The following PCNX1 variants were observed in gnomAD, a reference collection of about 807,000 sequenced individuals.
The protein encoded by PCNX1 is pecanex 1.
In PCNX1, 78 loss-of-function variants were observed where a neutral mutation model predicts 242.2. That is an observed-to-expected ratio of 0.32 (90% CI 0.27 to 0.39). The LOEUF is 0.39. Among genes scored for constraint, PCNX1 ranks in the 10% least tolerant of loss-of-function variants. The pLI, the probability that PCNX1 is intolerant of heterozygous loss-of-function variation, is 1.00. For synonymous variants in PCNX1, 1,024 were observed against 1,032.9 expected (o/e 0.99, Z 0.17); for missense variants, 2,581 against 2,856.5 (o/e 0.90, Z 2.20).
intron 25 of PCNX1, among the ~76,000 whole-genome samples, chr14:71,056,550 T>C (rs1372865606): frequency 1.3e-5 from 2 of 152,252 alleles, no homozygotes; most frequent in African/African-American, 4.8e-5. Context: ...ATTATTAAGC[T>C]CTGAATATTT....
chr14:71,037,720 CTACTT>C (rs759713431), intron 19 of PCNX1, among the ~76,000 whole-genome samples: 6 of 151,950 alleles, frequency 3.9e-5, no homozygotes, highest in Non-Finnish European at 7.4e-5. Context: ...TTTGAAAAAA[CTACTT>C]TAAAGTTCAT....
Position 71,050,650 on chromosome 14 carries a change from A to G in PCNX1, c.4339-2A>G. ...CTGACAGCCATTCTTTTCCTCCTGCAGCTTTGGGAACTACTTTATAAATTG... is the reference window on the plus strand; with the variant it reads ...CTGACAGCCATTCTTTTCCTCCTGCGGCTTTGGGAACTACTTTATAAATTG... On this transcript the variant is annotated splice_acceptor_variant, in intron 22 of 35. Coordinates refer to ENST00000304743, the MANE Select transcript of PCNX1 (RefSeq NM_014982.3). LOFTEE classifies it high-confidence loss of function. 1 of 1,564,834 alleles carries G rather than the reference A, an allele frequency of 6.4e-7. No homozygotes were observed. The highest frequency in any genetic ancestry group is 8.6e-7 in the Non-Finnish European group (1 of 1,157,568).
chr14:71,059,791 A>T (rs1290245405), intron 26 of PCNX1, among the ~76,000 whole-genome samples: 1 of 152,158 alleles, frequency 6.6e-6, no homozygotes, highest in Non-Finnish European at 1.5e-5. Flanking sequence ...ATGCCTGAAC[A>T]CATCCTATGG....
chr14:71,082,510 A>ATT (rs757468505), intron 28 of PCNX1, among the ~76,000 whole-genome samples: 5 of 152,224 alleles, frequency 3.3e-5, no homozygotes, highest in Non-Finnish European at 7.4e-5. Context: ...TAGGTCTCTA[A>ATT]GGACTTGCTT....
intron 22 of PCNX1, 22 bp from the exon 23 acceptor site, chr14:71,050,630 A>C: frequency 6.5e-7 from 1 of 1,538,628 alleles, no homozygotes; most frequent in Non-Finnish European, 8.7e-7. Context: ...TTTTACTGAC[A>C]GCCATTCTTT....
intron 30 of PCNX1, among the ~76,000 whole-genome samples, chr14:71,097,567 C>T (rs1033647741): frequency 2.0e-5 from 3 of 152,142 alleles, no homozygotes; most frequent in Non-Finnish European, 2.9e-5. Context: ...TTTTTTCACA[C>T]TTGTTTGCTC....
chr14:70,977,642 A>G lies in PCNX1; in HGVS notation c.1305A>G (p.Ala435=), dbSNP rs574927301. Residue 435 remains alanine, a synonymous_variant, in exon 6 of 36, where the codon GCA becomes GCG. Coordinates refer to ENST00000304743, the MANE Select transcript of PCNX1 (RefSeq NM_014982.3). ...GTGGGAGGAAGAAAGAGTGCTGTGC[A>G]GGCCCAGAGGAGAAGAATAGCTGTG... ...TKSGRKKECC[A]GPEEKNSCAS... 1.2e-6 allele frequency: 2 copies of G among 1,614,184 alleles called. No individual in the cohort carries two copies. Among genetic ancestry groups the G allele is most frequent in the African/African-American group, 1.3e-5 (1 of 75,038 alleles).
At chr14:71,043,793 A>G (rs1487846526) in intron 19 of PCNX1, among the ~76,000 whole-genome samples, 1 of 151,788 alleles carries the variant, frequency 6.6e-6, no homozygotes, top group African/African-American at 2.4e-5. Flanking sequence ...CCTTCATATC[A>G]TTATTTTGAA....
chr14:70,939,693 C>T (rs1437850294), intron 1 of PCNX1, among the ~76,000 whole-genome samples: 1 of 152,160 alleles, frequency 6.6e-6, no homozygotes, highest in Non-Finnish European at 1.5e-5. Flanking sequence ...TCCTTGATCA[C>T]TTTCTGTCTC....
chr14:71,083,961 A>C (rs954740688), intron 28 of PCNX1, among the ~76,000 whole-genome samples: 1 of 152,118 alleles, frequency 6.6e-6, no homozygotes, highest in Non-Finnish European at 1.5e-5. Flanking sequence ...GCCTTTTTGC[A>C]CTGGTTTTTC....
intron 28 of PCNX1, among the ~76,000 whole-genome samples, chr14:71,082,599 C>T (rs1050022820): frequency 2.7e-5 from 4 of 150,932 alleles, no homozygotes; most frequent in East Asian, 1.9e-4. Context: ...ATCCCTTTAC[C>T]GTAGCTTTTC....
At chr14:71,046,833 A>T (rs368419120) in intron 20 of PCNX1, 131 bp from the exon 21 acceptor site, 16 of 608,478 alleles carry the variant, frequency 2.6e-5, no homozygotes, top group East Asian at 2.0e-4. Context: ...ACAGTTGATT[A>T]AAGTACTGGC....
intron 26 of PCNX1, among the ~76,000 whole-genome samples, chr14:71,066,118 A>C (rs2061440217): frequency 6.6e-6 from 1 of 152,128 alleles, no homozygotes; most frequent in Non-Finnish European, 1.5e-5. Context: ...TTCCATATGA[A>C]ATTTAAAGTA....
Position 71,064,694 on chromosome 14 carries a change from A to G in PCNX1, c.4852+6970A>G, listed in dbSNP as rs112774277. Among the ~76,000 whole-genome samples, 1,259 of 152,304 alleles carry G rather than the reference A, an allele frequency of 8.3e-3. 13 individuals carry two copies. Among genetic ancestry groups the G allele is most frequent in the Middle Eastern group, 0.024 (7 of 294 alleles). The stretch of plus-strand genomic sequence containing the variant: ...GCAGGTTTGTTACATAGGTATACAC[A>G]TGCCATGGAGGCTTGCTGCACCCGT... On this transcript the variant is annotated intron_variant, in intron 26 of 35. Transcript: ENST00000304743.
chr14:71,033,992 T>A lies in PCNX1; in HGVS notation c.3730T>A (p.Ser1244Thr), dbSNP rs1456453002. The change falls in exon 18 of 36, where the codon TCT becomes ACT. Residue 1244 changes from serine (S) to threonine (T), a missense_variant. Coordinates refer to ENST00000304743, the MANE Select transcript of PCNX1 (RefSeq NM_014982.3). ...TEEKNPEDPLSEVKDPLPEKL... is the reference protein window; with the variant it reads ...TEEKNPEDPLTEVKDPLPEKL... ...AGAGAAAAATCCAGAAGACCCTCTA[T>A]CTGAAGTAAAAGATCCACTGCCTGA... 6.2e-7 allele frequency: 1 copy of A among 1,609,856 alleles called. No individual in the cohort carries two copies. Among genetic ancestry groups the A allele is most frequent in the Non-Finnish European group, 8.5e-7 (1 of 1,177,476 alleles).
At chr14:70,921,524 A>G (rs1416285517) in intron 1 of PCNX1, among the ~76,000 whole-genome samples, 1 of 152,178 alleles carries the variant, frequency 6.6e-6, no homozygotes, top group African/African-American at 2.4e-5. Context: ...GAGAATAAAG[A>G]TAGCTAATCT....
At position 71,109,588 on chromosome 14, in the gene PCNX1, G is replaced by T; in HGVS notation, c.6881G>T (p.Gly2294Val). The change falls in exon 35 of 36, where the codon GGC becomes GTC. Residue 2294 changes from glycine (G) to valine (V), a missense_variant. Physicochemically the swap from Gly to Val is moderately radical, Grantham distance 109. This residue lies in a region of PCNX1 where 432 missense variants were observed against 433.6 expected (regional missense o/e 1.00). Transcript: ENST00000304743. ...TGGAGTCCGCAGGAGGGCATGGAAG[G>T]CCATGTAAGTTCTTTTACAAGCTGG... ...KDWSPQEGMEGHVIHRWVPCS... is the reference protein window; with the variant it reads ...KDWSPQEGMEVHVIHRWVPCS... 1 of 1,614,156 alleles carries T rather than the reference G, an allele frequency of 6.2e-7. No individual in the cohort carries two copies. Among genetic ancestry groups the T allele is most frequent in the Non-Finnish European group, 8.5e-7 (1 of 1,180,014 alleles).
Position 70,977,048 on chromosome 14 carries a change from T to C in PCNX1, c.711T>C (p.Ser237=). 1.9e-6 allele frequency: 3 copies of C among 1,614,184 alleles called. No individual in the cohort carries two copies. The highest frequency in any genetic ancestry group is 2.5e-6 in the Non-Finnish European group (3 of 1,180,028). Residue 237 remains serine (S), a synonymous_variant, in exon 6 of 36, where the codon AGT becomes AGC. Coordinates refer to ENST00000304743, the MANE Select transcript of PCNX1 (RefSeq NM_014982.3). ...SCGQDLPRDF[S]DKVNLPSHNH... is the part of the protein sequence containing the mutation. ...GACAGGACTTGCCAAGGGACTTCAG[T>C]GACAAAGTGAACCTGCCAAGTCATA...
Position 70,994,396 on chromosome 14 carries a change from GATATATATATATATAT to G in PCNX1, c.2445-1326_2445-1311del, listed in dbSNP as rs35068772. On this transcript the variant is annotated intron_variant, in intron 7 of 35. Coordinates refer to ENST00000304743, the MANE Select transcript of PCNX1 (RefSeq NM_014982.3). ...TCTATTATCATAACCACAGGCTTAAGATATATATATATATATATATATATATATATATATGTATGTA... is the reference window on the plus strand; with the variant it reads ...TCTATTATCATAACCACAGGCTTAAGATATATATATATATATATGTATGTA... Among the ~76,000 whole-genome samples the G allele has an allele frequency of 1.5e-3, 143 of 96,960 alleles. 3 individuals carry two copies. Among genetic ancestry groups the G allele is most frequent in the African/African-American group, 4.5e-3 (117 of 26,016 alleles). 63.6% of individuals were successfully genotyped at this position (96,960 alleles called of 152,430 possible). A position where few individuals can be genotyped will look rare whatever the true frequency, so the allele number is the denominator to read the frequency against.
Sources: allele counts gnomAD v4.1 joint callset (sites outside exome capture counted in the v4.1 genomes callset), GRCh38; gene constraint gnomAD v4.1.1; regional missense constraint gnomAD v4.1.1; transcripts MANE v1.5; gene names NCBI Gene and HGNC (gene_info 2026-07-23, HGNC 2026-07-21).